The following PRKCE variants were observed in gnomAD, a reference collection of about 807,000 sequenced individuals.
PRKCE encodes the protein protein kinase C epsilon type.
A neutral mutation model predicts 85.4 loss-of-function variants in PRKCE; 16 were observed. The ratio of observed to expected loss-of-function variants is 0.19; its 90% CI spans 0.13 to 0.28. The LOEUF is 0.28. Ranked by LOEUF, PRKCE falls within the 10% of genes least tolerant of loss-of-function variation. The pLI, the probability that PRKCE is intolerant of heterozygous loss-of-function variation, is 1.00. For missense variants in PRKCE, 573 were observed against 975.2 expected (o/e 0.59, Z 5.49); for synonymous variants, 388 against 371.5 (o/e 1.04, Z -0.51).
chr2:46,021,616 A>C (rs961338496), intron 10 of PRKCE, among the ~76,000 whole-genome samples: 2 of 142,606 alleles, frequency 1.4e-5, no homozygotes, highest in East Asian at 4.2e-4. Flanking sequence ...TGCTAGTTGC[A>C]GCAGGTGATC....
At chr2:45,845,681 G>A (rs1352097295) in intron 2 of PRKCE, 1 of 152,186 alleles carries the variant, frequency 6.6e-6, no homozygotes, top group African/African-American at 2.4e-5. Context: ...TATGCTGTTA[G>A]AAAGCCTGGG....
rs541349485 is a variant in PRKCE at position 45,918,853 on chromosome 2, C to G, written c.413-57576C>G. ...TTGTATTTTGCAGAAGCCCAAAGGA[C>G]AGGCCGTATTATTGAATGTTGCAGA... On this transcript the variant is annotated intron_variant, in intron 2 of 14. Coordinates refer to ENST00000306156, the MANE Select transcript of PRKCE (RefSeq NM_005400.3). Among the ~76,000 whole-genome samples, 10 of 152,316 alleles carry G rather than the reference C, an allele frequency of 6.6e-5. No homozygotes were observed. The East Asian group carries it at 1.9e-3, about 29-fold the overall frequency.
chr2:46,022,100 G>T (rs1463049851), intron 10 of PRKCE, among the ~76,000 whole-genome samples: 1 of 152,192 alleles, frequency 6.6e-6, no homozygotes, highest in Non-Finnish European at 1.5e-5. Flanking sequence ...AGCTGTTTGG[G>T]TTCACATATG....
intron 1 of PRKCE, among the ~76,000 whole-genome samples, chr2:45,835,047 C>T (rs748034318): frequency 1.7e-4 from 26 of 152,312 alleles, no homozygotes; most frequent in Non-Finnish European, 1.8e-4. Flanking sequence ...AGTGTGTTTG[C>T]ACACGTGGGT....
At chr2:46,147,444 T>A (rs1013842963) in intron 12 of PRKCE, among the ~76,000 whole-genome samples, 6 of 152,174 alleles carry the variant, frequency 3.9e-5, no homozygotes, top group Non-Finnish European at 8.8e-5. Flanking sequence ...GACAGAACAT[T>A]CACTTTATAA....
chr2:45,795,525 G>A (rs1209412256), intron 1 of PRKCE, among the ~76,000 whole-genome samples: 3 of 152,086 alleles, frequency 2.0e-5, no homozygotes, highest in Non-Finnish European at 4.4e-5. Context: ...GGCCAGGCTG[G>A]TCTCGAACTC....
intron 10 of PRKCE, among the ~76,000 whole-genome samples, chr2:46,042,352 G>A (rs1337643692): frequency 2.0e-5 from 3 of 152,224 alleles, no homozygotes; most frequent in Non-Finnish European, 4.4e-5. Flanking sequence ...GAGGAAAGTA[G>A]TTTCTCCTGT....
At position 45,741,602 on chromosome 2, in the gene PRKCE, G is replaced by A. The variant is rs190756812; in HGVS notation, c.348+89154G>A. On this transcript the variant is annotated intron_variant, in intron 1 of 14. Transcript: ENST00000306156. The stretch of plus-strand genomic sequence containing the variant: ...TACCAATCAGATTGGAGCCTTTGCC[G>A]GCTCAGCCTGGCAGATGGGCATGTG... Among the ~76,000 whole-genome samples, 173 of 152,336 alleles carry A rather than the reference G, an allele frequency of 1.1e-3. 1 individual carries two copies. Among genetic ancestry groups the A allele is most frequent in the African/African-American group, 3.7e-3 (154 of 41,574 alleles).
In PRKCE at chr2:46,184,904, G is replaced by C; in HGVS notation, c.*23G>C. 1 of 1,599,370 alleles carries C rather than the reference G, an allele frequency of 6.3e-7. No individual in the cohort carries two copies. The highest frequency in any genetic ancestry group is 8.5e-7 in the Non-Finnish European group (1 of 1,179,730). On this transcript the variant is annotated 3_prime_UTR_variant, in exon 15 of 15. Transcript: ENST00000306156. The surrounding 1 kb of genome is among the most constrained non-coding windows in gnomAD (Gnocchi z 5.0). ...TGAGAGCCCACTGCAGTTGGACTTT[G>C]CCGATGCTGCAAGAAGGGGTGCAGA...
chr2:45,978,721 T>A (rs1702652281), intron 3 of PRKCE: 8 of 414,260 alleles, frequency 1.9e-5, no homozygotes, highest in East Asian at 4.5e-5. Context: ...CACACAGGAA[T>A]GGCTCTCTGT....
chr2:45,708,441 C>T (rs11125026), intron 1 of PRKCE, among the ~76,000 whole-genome samples: 130,864 of 152,116 alleles, frequency 0.86, 56,671 homozygotes, highest in African/African-American at 0.95. Context: ...GTCTTTCCCA[C>T]GCTGTTCTCA....
In PRKCE at chr2:46,004,201, C is replaced by A; in HGVS notation, c.967-341C>A. ...CCAGCTTGCTAACCTTTATGGTGTCCTCGCACAACCCGAACTACTTCATCC... is the reference window on the plus strand; with the variant it reads ...CCAGCTTGCTAACCTTTATGGTGTCATCGCACAACCCGAACTACTTCATCC... On this transcript the variant is annotated intron_variant, in intron 7 of 14. Transcript: ENST00000306156. The surrounding 1 kb of genome is among the most constrained non-coding windows in gnomAD (Gnocchi z 4.1). 3.1e-6 allele frequency: 1 copy of A among 323,972 alleles called. No individual in the cohort carries two copies. Among genetic ancestry groups the A allele is most frequent in the East Asian group, 7.8e-5 (1 of 12,830 alleles). The allele number at this position is 323,972 out of a possible 1,614,324, so 20.1% of individuals were successfully genotyped here. A position where few individuals can be genotyped will look rare whatever the true frequency, so the allele number is the denominator to read the frequency against.
chr2:45,943,466 G>A (rs1352185166), intron 2 of PRKCE, among the ~76,000 whole-genome samples: 2 of 152,238 alleles, frequency 1.3e-5, no homozygotes, highest in African/African-American at 4.8e-5. Flanking sequence ...GCCAGGGGGC[G>A]CTAACATTTG....
At chr2:46,100,961 C>A (rs1339477691) in intron 11 of PRKCE, among the ~76,000 whole-genome samples, 1 of 152,104 alleles carries the variant, frequency 6.6e-6, no homozygotes, top group Non-Finnish European at 1.5e-5. Flanking sequence ...CTCCGCCTCC[C>A]AGGTTCAAGC....
chr2:46,170,083 T>G (rs1356826520), intron 14 of PRKCE, among the ~76,000 whole-genome samples: 1 of 152,182 alleles, frequency 6.6e-6, no homozygotes, highest in African/African-American at 2.4e-5. Context: ...AAAATTTACA[T>G]AGAATAAATG....
intron 11 of PRKCE, among the ~76,000 whole-genome samples, chr2:46,129,936 G>GT (rs1459886926): frequency 6.6e-6 from 1 of 152,212 alleles, no homozygotes; most frequent in Non-Finnish European, 1.5e-5. Context: ...ATGGTTGTGG[G>GT]TGTATATCTT....
intron 1 of PRKCE, among the ~76,000 whole-genome samples, chr2:45,746,051 G>A (rs538626240): frequency 3.3e-5 from 5 of 152,318 alleles, no homozygotes; most frequent in Non-Finnish European, 7.3e-5. Flanking sequence ...GGAACTGAAG[G>A]AAGTTAGGCA....
At chr2:46,071,912 T>A (rs1010216151) in intron 10 of PRKCE, among the ~76,000 whole-genome samples, 1 of 152,200 alleles carries the variant, frequency 6.6e-6, no homozygotes, top group African/African-American at 2.4e-5. Context: ...CAGCTACCTA[T>A]GCCTGCTTAA....
chr2:45,817,142 C>T (rs1257862812), intron 1 of PRKCE, among the ~76,000 whole-genome samples: 1 of 144,712 alleles, frequency 6.9e-6, no homozygotes, highest in Admixed American at 6.9e-5. Context: ...GGGGGAGCGA[C>T]CTCTTTTGGG....
Sources: gnomAD v4.1 joint callset for allele counts (sites outside exome capture counted in the v4.1 genomes callset) on GRCh38, gnomAD v4.1.1 for gene constraint, Gnocchi (gnomAD v3.1) non-coding constraint, MANE v1.5 for transcripts, NCBI Gene and HGNC (gene_info 2026-07-23, HGNC 2026-07-21) for gene names.